The following CD163L1 variants were observed in gnomAD, a reference collection of about 807,000 sequenced individuals.
CD163L1 encodes the protein scavenger receptor cysteine-rich type 1 protein M160.
Under a neutral mutation model 165.4 loss-of-function variants are expected in CD163L1, and 124 were observed. The observed-to-expected ratio is 0.75, with a 90% confidence interval of 0.65 to 0.87. The LOEUF is 0.87. CD163L1 is among the 40% of genes least tolerant of loss of function. The probability of loss-of-function intolerance (pLI) is 0.00; values close to 1 mark genes in which losing one functional copy is unlikely to be tolerated. For synonymous variants in CD163L1, 585 were observed against 662.2 expected (o/e 0.88, Z 1.79); for missense variants, 1,525 against 1,799.9 (o/e 0.85, Z 2.76).
At chr12:7,330,809 G>T in the CD163L1 span, among the ~76,000 whole-genome samples, 1 of 152,312 alleles carries the variant, frequency 6.6e-6, no homozygotes, top group Admixed American at 6.5e-5. Context: ...AAGGTGGCAG[G>T]TCAGTTTCCT....
intron 8 of CD163L1, 145 bp downstream of exon 8, chr12:7,395,950 A>C (rs1327913249): frequency 1.7e-6 from 1 of 590,854 alleles, no homozygotes; most frequent in Admixed American, 3.3e-5. Flanking sequence ...AAGATATTAA[A>C]AATGAATGAG....
chr12:7,367,990 G>A (rs1947057321), intron 17 of CD163L1, 97 bp downstream of exon 17: 1 of 735,856 alleles, frequency 1.4e-6, no homozygotes, highest in Non-Finnish European at 2.4e-6. Context: ...CACTCAAAGT[G>A]GCAAGTGCAT....
downstream of CD163L1, among the ~76,000 whole-genome samples, chr12:7,351,888 G>A (rs1946708864): frequency 6.6e-6 from 1 of 152,032 alleles, no homozygotes; most frequent in African/African-American, 2.4e-5. Context: ...TAATATGCTG[G>A]CCAAATATGA....
At position 7,421,112 on chromosome 12, in the gene CD163L1, G is replaced by A. The variant is rs1317069708; in HGVS notation, c.766+11304C>T. Among the ~76,000 whole-genome samples, 7 of 77,512 alleles carry A rather than the reference G, an allele frequency of 9.0e-5. No individual in the cohort carries two copies. The South Asian group carries it at 2.7e-3, about 30-fold the overall frequency. 50.9% of individuals were successfully genotyped at this position (77,512 alleles called of 152,430 possible). ...GTATATATATGTATATATACATTTG[G>A]AAGAAAATGTATATATACGTATATA... On this transcript the variant is annotated intron_variant, in intron 4 of 19. Coordinates refer to ENST00000313599, the MANE Select transcript of CD163L1 (RefSeq NM_174941.6).
chr12:7,384,181 C>G (rs1446229300), intron 8 of CD163L1, among the ~76,000 whole-genome samples: 1 of 148,824 alleles, frequency 6.7e-6, no homozygotes, highest in African/African-American at 2.5e-5. Flanking sequence ...TAAAAAAAAT[C>G]AAATAAAGCA....
At chr12:7,440,037 C>G (rs1435452734) in intron 2 of CD163L1, 18 of 1,273,718 alleles carry the variant, frequency 1.4e-5, no homozygotes, top group Non-Finnish European at 1.8e-5. Context: ...GACACACACC[C>G]CAGCAGCTCC....
intron 8 of CD163L1, 104 bp downstream of exon 8, chr12:7,395,991 G>A (rs1947764832): frequency 6.1e-6 from 5 of 819,506 alleles, no homozygotes; most frequent in Non-Finnish European, 9.5e-6. Flanking sequence ...CTAAAAAAGT[G>A]AGCAATGAGC....
chr12:7,402,401 CA>C (rs1947931179), intron 6 of CD163L1, among the ~76,000 whole-genome samples: 1 of 151,776 alleles, frequency 6.6e-6, no homozygotes, highest in South Asian at 2.1e-4. Flanking sequence ...TTTACAAGAA[CA>C]TCATTCTTCA....
intron 18 of CD163L1, among the ~76,000 whole-genome samples, 190 bp downstream of exon 18, chr12:7,367,046 G>A (rs1013830179): frequency 6.6e-6 from 1 of 152,128 alleles, no homozygotes; most frequent in Non-Finnish European, 1.5e-5. Context: ...AAATAAGTGA[G>A]AATGTATATT....
chr12:7,347,653 A>G lies in CD163L1; in HGVS notation c.*25-506T>C, dbSNP rs1946679115. Among the ~76,000 whole-genome samples the G allele has an allele frequency of 6.6e-6, 1 of 152,098 alleles. No homozygotes were observed. Among genetic ancestry groups the G allele is most frequent in the Non-Finnish European group, 1.5e-5 (1 of 68,020 alleles). Reference sequence around the variant, plus strand: ...TGTGGTGGCGGGCGCCTGTAGTCCCAGCTACTCGGAGAGGCTGAGGCAGGA... The same window carrying G: ...TGTGGTGGCGGGCGCCTGTAGTCCCGGCTACTCGGAGAGGCTGAGGCAGGA... On this transcript the variant is annotated intron_variant, in intron 4 of 4. Coordinates refer to the CD163L1 transcript ENST00000539726. This position sits in a 1 kb window ranked among gnomAD's most constrained non-coding sequence, Gnocchi z 4.2.
In CD163L1 at chr12:7,374,350, A is replaced by G; in HGVS notation, c.3409+92T>C. The G allele has an allele frequency of 7.3e-7, 1 of 1,363,816 alleles. No individual in the cohort carries two copies. Among genetic ancestry groups the G allele is most frequent in the Non-Finnish European group, 1.0e-6 (1 of 1,001,838 alleles). 84.5% of individuals were successfully genotyped at this position (1,363,816 alleles called of 1,614,324 possible). ...GATTTTTTGTTTGTATTCCTAGGCCATACACTTTTCACTACACTTTACAAT... is the reference window on the plus strand; with the variant it reads ...GATTTTTTGTTTGTATTCCTAGGCCGTACACTTTTCACTACACTTTACAAT... On this transcript the variant is annotated intron_variant, in intron 13 of 19. Transcript: ENST00000313599. This position sits in a 1 kb window ranked among gnomAD's most constrained non-coding sequence, Gnocchi z 5.4.
At chr12:7,348,469 A>C (rs1946685703) in intron 4 of CD163L1, among the ~76,000 whole-genome samples, 1 of 152,238 alleles carries the variant, frequency 6.6e-6, no homozygotes, top group Non-Finnish European at 1.5e-5. Flanking sequence ...TGTCTATTCC[A>C]GCCCATCCAT....
At chr12:7,428,881 T>C (rs938077514) in intron 4 of CD163L1, among the ~76,000 whole-genome samples, 1 of 152,096 alleles carries the variant, frequency 6.6e-6, no homozygotes, top group African/African-American at 2.4e-5. Context: ...ATAAATTATG[T>C]TTGCAGATTT....
intron 4 of CD163L1, among the ~76,000 whole-genome samples, chr12:7,422,242 T>A (rs1275269740): frequency 2.0e-5 from 3 of 151,706 alleles, no homozygotes; most frequent in Non-Finnish European, 4.4e-5. Flanking sequence ...AGCAATAACA[T>A]CAACATCAAC....
At chr12:7,356,738 C>T (rs1946781387) in intron 19 of CD163L1, among the ~76,000 whole-genome samples, 1 of 152,128 alleles carries the variant, frequency 6.6e-6, no homozygotes, top group Admixed American at 6.6e-5. Context: ...AGAGAAAGCA[C>T]TGTTCCTTTT....
intron 11 of CD163L1, 94 bp downstream of exon 11, chr12:7,375,187 C>A: frequency 7.7e-7 from 1 of 1,293,324 alleles, no homozygotes; most frequent in Non-Finnish European, 1.1e-6. Context: ...CACCTGCACC[C>A]CCATTTTCTT....
At chr12:7,409,200 G>A (rs1271309284) in intron 4 of CD163L1, among the ~76,000 whole-genome samples, 2 of 152,128 alleles carry the variant, frequency 1.3e-5, no homozygotes, top group Non-Finnish European at 2.9e-5. Context: ...AGGAAGCCAT[G>A]TGTCATTTGT....
chr12:7,380,379 ATG>A (rs1217986709), intron 8 of CD163L1, among the ~76,000 whole-genome samples: 1 of 140,540 alleles, frequency 7.1e-6, no homozygotes, highest in Non-Finnish European at 1.6e-5. Context: ...ACATACATGT[ATG>A]TGTGTATATG....
chr12:7,420,655 C>A (rs1044683070), intron 4 of CD163L1, among the ~76,000 whole-genome samples: 4 of 151,858 alleles, frequency 2.6e-5, no homozygotes, highest in Non-Finnish European at 5.9e-5. Context: ...AGCCACAATG[C>A]AATACCATCT....
Sources: gnomAD v4.1 joint callset for allele counts (sites outside exome capture counted in the v4.1 genomes callset) on GRCh38, gnomAD v4.1.1 for gene constraint, Gnocchi (gnomAD v3.1) non-coding constraint, MANE v1.5 for transcripts, NCBI Gene and HGNC (gene_info 2026-07-23, HGNC 2026-07-21) for gene names.